The following KCMF1 variants were observed in gnomAD, a reference collection of about 807,000 sequenced individuals.
The protein encoded by KCMF1 is E3 ubiquitin-protein ligase KCMF1.
KCMF1 carries 3 observed loss-of-function variants against 41.1 expected under a neutral mutation model. The observed-to-expected ratio is 0.07, with a 90% CI of 0.03 to 0.19. The LOEUF is 0.19. KCMF1 is among the 10% of genes least tolerant of loss of function. KCMF1 has a pLI of 1.00. For missense variants in KCMF1, 286 were observed against 488.9 expected, an observed-to-expected ratio of 0.58 and a Z score of 3.91; for synonymous variants, 142 against 164.5, an observed-to-expected ratio of 0.86 and a Z score of 1.04.
At chr2:85,045,198 C>G (rs1045570834) in intron 4 of KCMF1, among the ~76,000 whole-genome samples, 1 of 152,044 alleles carries the variant, frequency 6.6e-6, no homozygotes, top group Admixed American at 6.6e-5. Flanking sequence ...TATGATTGCA[C>G]CACTGCACTC....
intron 1 of KCMF1, among the ~76,000 whole-genome samples, chr2:84,992,946 CACT>C (rs1464866030): frequency 6.6e-6 from 1 of 152,144 alleles, no homozygotes; most frequent in African/African-American, 2.4e-5. Flanking sequence ...ATAATCCCAG[CACT>C]TTGGGAGGTC....
chr2:85,048,426 A>G (rs760193079), intron 5 of KCMF1, among the ~76,000 whole-genome samples: 3 of 152,200 alleles, frequency 2.0e-5, no homozygotes, highest in African/African-American at 7.2e-5. Flanking sequence ...GATAGACTGT[A>G]TATTCCATGA....
Position 85,049,368 on chromosome 2 carries a change from C to A in KCMF1, c.604C>A (p.Leu202Ile), listed in dbSNP as rs1460327100. Residue 202 changes from leucine (L) to isoleucine (I), a missense_variant and splice_region_variant, in exon 6 of 7, where the codon CTT (leucine) becomes ATT (isoleucine). Leu to Ile is a conservative substitution (Grantham distance 5, BLOSUM62 2). Coordinates refer to ENST00000409785, the MANE Select transcript of KCMF1 (RefSeq NM_020122.5). ...NREAMDPIAE[L>I]LSQLSGVRRS... ...ATTGTCTTCATTTCCATTGGCAGAG[C>A]TTTTATCTCAGTTATCAGGAGTGAG... 2 of 1,612,146 alleles carry A rather than the reference C, an allele frequency of 1.2e-6. No homozygotes were observed. The highest frequency in any genetic ancestry group is 1.7e-6 in the Non-Finnish European group (2 of 1,178,266).
chr2:85,033,242 C>T (rs970145373), intron 2 of KCMF1, among the ~76,000 whole-genome samples: 8 of 152,132 alleles, frequency 5.3e-5, no homozygotes, highest in African/African-American at 9.6e-5. Context: ...ACACTTTCTT[C>T]CATTTTCTTT....
intron 1 of KCMF1, among the ~76,000 whole-genome samples, chr2:84,977,796 A>T (rs758395203): frequency 1.1e-4 from 17 of 152,176 alleles, no homozygotes; most frequent in Non-Finnish European, 1.6e-4. Flanking sequence ...ATGTAAATTT[A>T]TGGGAAAATG....
intron 1 of KCMF1, among the ~76,000 whole-genome samples, chr2:84,990,618 G>A (rs1674019422): frequency 6.6e-6 from 1 of 151,792 alleles, no homozygotes; most frequent in Non-Finnish European, 1.5e-5. Flanking sequence ...AGACCAGCCT[G>A]GGCAACACAG....
chr2:85,015,696 T>G (rs987447774), intron 1 of KCMF1, among the ~76,000 whole-genome samples: 1 of 152,236 alleles, frequency 6.6e-6, no homozygotes, highest in African/African-American at 2.4e-5. Flanking sequence ...CATTTTTCTA[T>G]TCACTTTGTT....
rs1574048261 is a variant in KCMF1, at chr2:85,056,624, C to T, written c.*3215C>T. On this transcript the variant is annotated 3_prime_UTR_variant, in exon 7 of 7. Coordinates refer to ENST00000409785, the MANE Select transcript of KCMF1 (RefSeq NM_020122.5). Reference sequence around the variant, plus strand: ...CTAGAGAGGTTACGGTAGCAGGTGGCTGCAGAAAAGAATCTTTTGAATGGG... The same window carrying T: ...CTAGAGAGGTTACGGTAGCAGGTGGTTGCAGAAAAGAATCTTTTGAATGGG... 1.3e-5 allele frequency: 2 copies of T among 152,286 alleles called. No individual in the cohort carries two copies. Among genetic ancestry groups the T allele is most frequent in the South Asian group, 4.2e-4 (2 of 4,816 alleles). The allele number at this position is 152,286 out of a possible 1,614,324, so 9.4% of individuals were successfully genotyped here. A position where few individuals can be genotyped will look rare whatever the true frequency, so the allele number is the denominator to read the frequency against.
rs191020412 is a variant in KCMF1 at position 85,050,454 on chromosome 2, A to G, written c.884+806A>G. On this transcript the variant is annotated intron_variant, in intron 6 of 6. Coordinates refer to ENST00000409785, the MANE Select transcript of KCMF1 (RefSeq NM_020122.5). The stretch of plus-strand genomic sequence containing the variant: ...AAAAAAATGGCTTCCTATGGTATAA[A>G]TAATATTTAGTAAAACAGTAAACTA... 3.0e-3 allele frequency among the ~76,000 whole-genome samples: 456 copies of G among 152,340 alleles called. 6 individuals carry two copies. The highest frequency in any genetic ancestry group is 0.027 in the Admixed American group (420 of 15,298).
intron 1 of KCMF1, among the ~76,000 whole-genome samples, chr2:85,022,858 T>A (rs1476945513): frequency 6.6e-6 from 1 of 151,396 alleles, no homozygotes; most frequent in Non-Finnish European, 1.5e-5. Flanking sequence ...AACTAGATAC[T>A]GGTTTTCAAC....
chr2:84,997,373 T>C (rs940740828), intron 1 of KCMF1, among the ~76,000 whole-genome samples: 2 of 152,206 alleles, frequency 1.3e-5, no homozygotes, highest in Non-Finnish European at 2.9e-5. Flanking sequence ...ATCCTCTGCC[T>C]TTCCTTTTTG....
rs770915691 is a variant in KCMF1 at position 85,049,434 on chromosome 2, G to A, written c.670G>A (p.Ala224Thr). 11 of 1,613,864 alleles carry A rather than the reference G, an allele frequency of 6.8e-6. No homozygotes were observed. Among genetic ancestry groups the A allele is most frequent in the Middle Eastern group, 1.6e-4 (1 of 6,084 alleles). The change falls in exon 6 of 7, where the codon GCT becomes ACT. Residue 224 changes from alanine (A) to threonine (T), a missense_variant. This residue lies in a region of KCMF1 where 191 missense variants were observed against 279.3 expected (regional missense o/e 0.68). Coordinates refer to ENST00000409785, the MANE Select transcript of KCMF1 (RefSeq NM_020122.5). ...ACAGCTTAATTCCTCTGGCCCTTCC[G>A]CTTCTCAGTTACAACAACTGCAGAT... The part of the protein sequence containing the change: ...GGQLNSSGPS[A>T]SQLQQLQMQL...
intron 1 of KCMF1, among the ~76,000 whole-genome samples, chr2:84,997,729 A>G (rs1002603028): frequency 3.3e-5 from 5 of 150,206 alleles, no homozygotes; most frequent in African/African-American, 1.2e-4. Flanking sequence ...CTTGCATACT[A>G]ATTTGATGTT....
At chr2:85,018,947 G>A in intron 1 of KCMF1, among the ~76,000 whole-genome samples, 1 of 151,710 alleles carries the variant, frequency 6.6e-6, no homozygotes, top group Non-Finnish European at 1.5e-5. Flanking sequence ...ATGTTGACCA[G>A]GCTGGTCTTG....
chr2:85,026,887 G>GT (rs950942784), intron 1 of KCMF1, among the ~76,000 whole-genome samples: 32 of 152,076 alleles, frequency 2.1e-4, no homozygotes, highest in African/African-American at 7.5e-4. Flanking sequence ...ATGGTGCTTT[G>GT]TTTTTTTGTG....
In KCMF1 at chr2:85,057,022, A is replaced by G. The variant is rs1385991178; in HGVS notation, c.*3613A>G. 1 of 152,116 alleles carries G rather than the reference A, an allele frequency of 6.6e-6. No homozygotes were observed. The highest frequency in any genetic ancestry group is 1.9e-4 in the East Asian group (1 of 5,176). The allele number at this position is 152,116 out of a possible 1,614,324, so 9.4% of individuals were successfully genotyped here. On this transcript the variant is annotated 3_prime_UTR_variant, in exon 7 of 7. Coordinates refer to ENST00000409785, the MANE Select transcript of KCMF1 (RefSeq NM_020122.5). ...AAACCCCATCTCTACTAAAAAATAC[A>G]AAAAGTTAGCTGGGCATGGTGGCAG... is the stretch of plus-strand genomic sequence containing the variant.
Position 85,053,210 on chromosome 2 carries a change from G to T in KCMF1, c.947G>T (p.Arg316Leu). The T allele has an allele frequency of 6.2e-7, 1 of 1,613,930 alleles. No homozygotes were observed. The highest frequency in any genetic ancestry group is 8.5e-7 in the Non-Finnish European group (1 of 1,179,836). Residue 316 changes from arginine to leucine, a missense_variant, in exon 7 of 7, where the codon CGC becomes CTC. Coordinates refer to ENST00000409785, the MANE Select transcript of KCMF1 (RefSeq NM_020122.5). The stretch of plus-strand genomic sequence containing the variant: ...TCCATGGAAAGCGAGCGTGCAGACC[G>T]CAGCCTGTTTGTCCAAGAGCTCCTT... ...RQSMESERAD[R>L]SLFVQELLLS...
chr2:84,987,111 G>C (rs991894625), intron 1 of KCMF1, among the ~76,000 whole-genome samples: 7 of 152,202 alleles, frequency 4.6e-5, no homozygotes, highest in African/African-American at 1.4e-4. Context: ...TAAGGTGATG[G>C]TATTTTTTAT....
intron 1 of KCMF1, among the ~76,000 whole-genome samples, 161 bp downstream of exon 1, chr2:84,971,628 C>T (rs1311308059): frequency 2.0e-5 from 3 of 150,718 alleles, no homozygotes. Flanking sequence ...GGGCGGAGAG[C>T]CGCGGCGCCG....
Sources: allele counts gnomAD v4.1 joint callset (sites outside exome capture counted in the v4.1 genomes callset), GRCh38; gene constraint gnomAD v4.1.1; regional missense constraint gnomAD v4.1.1; transcripts MANE v1.5; gene names NCBI Gene and HGNC (gene_info 2026-07-23, HGNC 2026-07-21).